ADAM12: variants seen among roughly 807,000 people sequenced by gnomAD.
ADAM12 encodes the protein disintegrin and metalloproteinase domain-containing protein 12.
A neutral mutation model predicts 106.4 loss-of-function variants in ADAM12; 70 were observed. That is an observed-to-expected ratio of 0.66 (90% CI 0.54 to 0.80). The LOEUF is 0.80. Among genes scored for constraint, ADAM12 ranks in the 30% least tolerant of loss-of-function variants. The probability of loss-of-function intolerance (pLI) is 0.00; values close to 1 mark genes in which losing one functional copy is unlikely to be tolerated. For synonymous variants in ADAM12, 420 were observed against 433.5 expected (o/e 0.97, Z 0.39); for missense variants, 1,010 against 1,171.9 (o/e 0.86, Z 2.02).
In ADAM12 at chr10:126,345,504, C is replaced by T. The variant is rs563846769; in HGVS notation, c.89-14995G>A. ...ATTCTCCTTTTTTGTTGTGTCTCTG[C>T]CCGGCTTTGGTATCAGGATGATGCT... On this transcript the variant is annotated intron_variant, in intron 1 of 22. Transcript: ENST00000448723. Among the ~76,000 whole-genome samples, 25 of 152,242 alleles carry T rather than the reference C, an allele frequency of 1.6e-4. No homozygotes were observed. In the East Asian group the frequency reaches 4.4e-3, roughly 27 times the overall value.
At position 126,130,471 on chromosome 10, in the gene ADAM12, C is replaced by G. The variant is rs1956285039; in HGVS notation, c.416+5113G>C. ...TCCCATTCCCTCTTGGTGGCTGACA[C>G]CAGACAATGCAGCACTTACTCTTCT... On this transcript the variant is annotated intron_variant, in intron 5 of 22. Transcript: ENST00000448723. 1.3e-5 allele frequency among the ~76,000 whole-genome samples: 2 copies of G among 152,196 alleles called. 1 individual carries two copies. Among genetic ancestry groups the G allele is most frequent in the South Asian group, 4.1e-4 (2 of 4,826 alleles).
At chr10:126,169,628 C>T (rs910095382) in intron 3 of ADAM12, among the ~76,000 whole-genome samples, 1 of 152,186 alleles carries the variant, frequency 6.6e-6, no homozygotes, top group Non-Finnish European at 1.5e-5. Context: ...ACCACCCAAT[C>T]CCACAAAACA....
At chr10:126,212,997 T>C (rs1957928420) in intron 3 of ADAM12, among the ~76,000 whole-genome samples, 1 of 152,194 alleles carries the variant, frequency 6.6e-6, no homozygotes, top group East Asian at 1.9e-4. Context: ...CATAGAATTG[T>C]GGGAGGGATC....
At chr10:126,208,854 T>TG (rs756604510) in intron 3 of ADAM12, among the ~76,000 whole-genome samples, 29 of 150,684 alleles carry the variant, frequency 1.9e-4, no homozygotes, top group Non-Finnish European at 3.3e-4. Flanking sequence ...AAAAGAAAGT[T>TG]TTTTTTTTTT....
At chr10:126,359,482 G>T (rs1855665165) in intron 1 of ADAM12, among the ~76,000 whole-genome samples, 1 of 152,164 alleles carries the variant, frequency 6.6e-6, no homozygotes, top group African/African-American at 2.4e-5. Flanking sequence ...CCAAATGGGA[G>T]AAATTGACCA....
chr10:126,331,056 T>A (rs1191095718), intron 1 of ADAM12, among the ~76,000 whole-genome samples: 2 of 152,220 alleles, frequency 1.3e-5, no homozygotes, highest in Non-Finnish European at 2.9e-5. Flanking sequence ...GTTTATGTTT[T>A]AAAAAAATCA....
At chr10:126,105,590 C>T (rs1262623205) in intron 8 of ADAM12, among the ~76,000 whole-genome samples, 1 of 152,238 alleles carries the variant, frequency 6.6e-6, no homozygotes, top group Non-Finnish European at 1.5e-5. Context: ...TGCCTAGGCC[C>T]TGTGCCAGGT....
In ADAM12 at chr10:126,179,458, T is replaced by C. The variant is rs902299683; in HGVS notation, c.261-24153A>G. Reference sequence around the variant, plus strand: ...CCACCAAGAGTGGTAATGGCCACTCTGATAAAACAAAGTCAATTCTAGAGA... The same window carrying C: ...CCACCAAGAGTGGTAATGGCCACTCCGATAAAACAAAGTCAATTCTAGAGA... On this transcript the variant is annotated intron_variant, in intron 3 of 22. Coordinates refer to ENST00000448723, the MANE Select transcript of ADAM12 (RefSeq NM_001288973.2). Among the ~76,000 whole-genome samples, 3 of 152,212 alleles carry C rather than the reference T, an allele frequency of 2.0e-5. No individual in the cohort carries two copies. The South Asian group carries it at 6.2e-4, about 32-fold the overall frequency.
At position 126,135,634 on chromosome 10, in the gene ADAM12, T is replaced by G; in HGVS notation, c.366A>C (p.Val122=). 1 of 1,614,164 alleles carries G rather than the reference T, an allele frequency of 6.2e-7. No homozygotes were observed. Among genetic ancestry groups the G allele is most frequent in the Non-Finnish European group, 8.5e-7 (1 of 1,179,990 alleles). ...TGACTGCTGAATCAGAATATCCCCG[T>G]ACATGTCCATGGTAGTAACAGTGAC... ...YTGHCYYHGH[V]RGYSDSAVSL... is the part of the protein sequence containing the mutation. The change falls in exon 5 of 23, where the codon GTA becomes GTC. Residue 122 remains valine, a synonymous_variant. Coordinates refer to ENST00000448723, the MANE Select transcript of ADAM12 (RefSeq NM_001288973.2).
At chr10:126,141,108 C>T (rs1956501552) in intron 4 of ADAM12, among the ~76,000 whole-genome samples, 1 of 152,218 alleles carries the variant, frequency 6.6e-6, no homozygotes, top group Admixed American at 6.5e-5. Flanking sequence ...ATATCCACAC[C>T]AGAAAGAGAC....
chr10:126,099,962 C>T (rs548122744), intron 9 of ADAM12, among the ~76,000 whole-genome samples: 1 of 142,366 alleles, frequency 7.0e-6, no homozygotes, highest in African/African-American at 3.0e-5. Context: ...CTACTTCATA[C>T]TAATTTAGAT....
intron 2 of ADAM12, among the ~76,000 whole-genome samples, chr10:126,294,292 C>A (rs1960276721): frequency 6.6e-6 from 1 of 152,142 alleles, no homozygotes; most frequent in Non-Finnish European, 1.5e-5. Context: ...TAAATTCACC[C>A]TTAACACAGA....
intron 3 of ADAM12, among the ~76,000 whole-genome samples, chr10:126,179,797 G>A (rs985661861): frequency 2.6e-5 from 4 of 152,134 alleles, no homozygotes; most frequent in African/African-American, 7.2e-5. Context: ...TGCTGGGGTA[G>A]CAGTTCATGC....
At position 126,049,246 on chromosome 10, in the gene ADAM12, G is replaced by A. The variant is rs746886520; in HGVS notation, c.1917+7C>T. On this transcript the variant is annotated splice_region_variant and intron_variant, in intron 16 of 22. Coordinates refer to ENST00000448723, the MANE Select transcript of ADAM12 (RefSeq NM_001288973.2). This position sits in a 1 kb window ranked among gnomAD's most constrained non-coding sequence, Gnocchi z 4.4. ...ATTTATGATCCAAGCAAACATTTGG[G>A]TCTTACTTTTCCATCTGCACACTTT... is the stretch of plus-strand genomic sequence containing the variant. The A allele has an allele frequency of 2.5e-6, 4 of 1,613,888 alleles. No individual in the cohort carries two copies. Among genetic ancestry groups the A allele is most frequent in the South Asian group, 1.1e-5 (1 of 91,060 alleles).
At chr10:126,097,535 T>C (rs560711458) in intron 10 of ADAM12, among the ~76,000 whole-genome samples, 1 of 152,340 alleles carries the variant, frequency 6.6e-6, no homozygotes, top group African/African-American at 2.4e-5. Flanking sequence ...CACTATGTAA[T>C]ACAACTGAAC....
At chr10:126,363,242 A>G (rs1198011146) in intron 1 of ADAM12, among the ~76,000 whole-genome samples, 7 of 152,240 alleles carry the variant, frequency 4.6e-5, no homozygotes, top group East Asian at 1.9e-4. Context: ...AGCAAAACCA[A>G]TAAGTCTGTA....
intron 1 of ADAM12, among the ~76,000 whole-genome samples, chr10:126,345,201 A>G (rs1295910381): frequency 6.6e-6 from 1 of 152,204 alleles, no homozygotes; most frequent in East Asian, 1.9e-4. Flanking sequence ...ACATCCCATC[A>G]ATACCTAATT....
At chr10:126,319,442 G>A (rs1417959149) in intron 2 of ADAM12, among the ~76,000 whole-genome samples, 2 of 152,098 alleles carry the variant, frequency 1.3e-5, no homozygotes, top group Non-Finnish European at 2.9e-5. Flanking sequence ...GTGATCTGCT[G>A]CCCAAAACAG....
At chr10:126,027,265 G>A (rs1035871592) in intron 21 of ADAM12, among the ~76,000 whole-genome samples, 10 of 152,152 alleles carry the variant, frequency 6.6e-5, no homozygotes, top group African/African-American at 1.9e-4. Flanking sequence ...CCCAGGACCA[G>A]GCAGATTCAC....
Sources: allele counts gnomAD v4.1 joint callset (sites outside exome capture counted in the v4.1 genomes callset), GRCh38; gene constraint gnomAD v4.1.1; non-coding constraint Gnocchi (gnomAD v3.1); transcripts MANE v1.5; gene names NCBI Gene and HGNC (gene_info 2026-07-23, HGNC 2026-07-21).